TTC21B: variants seen among roughly 807,000 people sequenced by gnomAD.
TTC21B encodes the protein tetratricopeptide repeat protein 21B.
In TTC21B, 127 loss-of-function variants were observed where a neutral mutation model predicts 175.1. The observed-to-expected ratio is 0.73, with a 90% CI of 0.63 to 0.84. The LOEUF is 0.84. Among genes scored for constraint, TTC21B ranks in the 40% least tolerant of loss-of-function variants. TTC21B has a pLI of 0.00. For missense variants in TTC21B, 1,561 were observed against 1,558.3 expected (o/e 1.00, Z -0.03); for synonymous variants, 524 against 524.5 (o/e 1.00, Z 0.01).
At chr2:165,905,137 A>G (rs977573597) in intron 19 of TTC21B, among the ~76,000 whole-genome samples, 1 of 152,116 alleles carries the variant, frequency 6.6e-6, no homozygotes, top group East Asian at 1.9e-4. Flanking sequence ...CATGACAACA[A>G]TAATAGAAAA....
At chr2:165,916,837 T>C (rs551155803) in intron 14 of TTC21B, among the ~76,000 whole-genome samples, 28 of 152,268 alleles carry the variant, frequency 1.8e-4, no homozygotes, top group Non-Finnish European at 3.8e-4. Context: ...AAATTAAATT[T>C]TTCTAAAGTT....
chr2:165,941,042 A>G lies in TTC21B; in HGVS notation c.695T>C (p.Val232Ala), dbSNP rs1687347580. Residue 232 changes from valine to alanine, a missense_variant, in exon 6 of 29, where the codon GTT (valine) becomes GCT (alanine). Coordinates refer to ENST00000243344, the MANE Select transcript of TTC21B (RefSeq NM_024753.5). ...QLALQDWDQT[V>A]ETAQRLLLQD... is the part of the protein sequence containing the mutation. ...ATTACTTAACCTTTGTGCTGTCTCA[A>G]CTGTCTGGTCCCAATCCTGCAAGGC... 1 of 1,613,816 alleles carries G rather than the reference A, an allele frequency of 6.2e-7. No homozygotes were observed. The highest frequency in any genetic ancestry group is 1.7e-5 in the Admixed American group (1 of 59,968).
At chr2:165,939,392 C>T (rs1275214687) in intron 6 of TTC21B, among the ~76,000 whole-genome samples, 1 of 152,148 alleles carries the variant, frequency 6.6e-6, no homozygotes, top group Non-Finnish European at 1.5e-5. Context: ...ATTTATACTT[C>T]ATTTGTATCT....
intron 24 of TTC21B, 46 bp downstream of exon 24, chr2:165,890,433 T>G: frequency 1.9e-6 from 3 of 1,586,840 alleles, no homozygotes; most frequent in Non-Finnish European, 1.7e-6. Flanking sequence ...GTTTATTATC[T>G]CCAACAAGTG....
At chr2:165,923,006 T>C (rs910296780) in intron 12 of TTC21B, among the ~76,000 whole-genome samples, 2 of 152,188 alleles carry the variant, frequency 1.3e-5, no homozygotes, top group Admixed American at 6.5e-5. Context: ...AAATACTGTA[T>C]GTTCTCACTT....
chr2:165,878,934 G>A (rs1052134936), intron 27 of TTC21B, among the ~76,000 whole-genome samples: 15 of 151,972 alleles, frequency 9.9e-5, no homozygotes, highest in Admixed American at 5.2e-4. Flanking sequence ...TGCCCACCTC[G>A]GCCTCCCAAA....
chr2:165,924,455 C>G, intron 12 of TTC21B, 94 bp downstream of exon 12: 1 of 1,207,362 alleles, frequency 8.3e-7, no homozygotes, highest in Non-Finnish European at 1.2e-6. Context: ...TTTTATGTGA[C>G]TATTCTCTAT....
chr2:165,883,764 A>T (rs1218039324), intron 26 of TTC21B, 30 bp downstream of exon 26: 4 of 1,541,132 alleles, frequency 2.6e-6, no homozygotes, highest in Non-Finnish European at 3.6e-6. Flanking sequence ...ACAAAGGTCA[A>T]TAATTATTTT....
chr2:165,930,229 G>A lies in TTC21B; in HGVS notation c.1030C>T (p.Leu344=), dbSNP rs1177488060. 2 of 1,613,354 alleles carry A rather than the reference G, an allele frequency of 1.2e-6. No individual in the cohort carries two copies. Among genetic ancestry groups the A allele is most frequent in the Non-Finnish European group, 8.5e-7 (1 of 1,179,504 alleles). The change falls in exon 9 of 29, where the codon CTG becomes TTG. Residue 344 remains leucine (L), a synonymous_variant. Transcript: ENST00000243344. ...GTCATGGCGGTCTTATACCACTTCA[G>A]TGCCTCTTTAACTCTTCCTTGTAAA... ...MILQGRVKEA[L]KWYKTAMTLD...
intron 22 of TTC21B, among the ~76,000 whole-genome samples, chr2:165,896,938 G>A (rs184692863): frequency 6.6e-6 from 1 of 152,248 alleles, no homozygotes; most frequent in East Asian, 1.9e-4. Context: ...TGGTTGGGAA[G>A]CCCTTTTGCC....
intron 11 of TTC21B, among the ~76,000 whole-genome samples, chr2:165,928,160 A>C (rs748351993): frequency 3.9e-5 from 6 of 152,182 alleles, no homozygotes; most frequent in Non-Finnish European, 8.8e-5. Flanking sequence ...AGCTAGATAA[A>C]GCAGATGACA....
intron 1 of TTC21B, among the ~76,000 whole-genome samples, chr2:165,950,952 T>C (rs908637777): frequency 6.6e-6 from 1 of 152,164 alleles, no homozygotes; most frequent in African/African-American, 2.4e-5. Context: ...AGGGCTATAG[T>C]CCATGTACTT....
chr2:165,926,692 A>G, intron 11 of TTC21B, among the ~76,000 whole-genome samples: 1 of 152,078 alleles, frequency 6.6e-6, no homozygotes, highest in Non-Finnish European at 1.5e-5. Context: ...TGAGAAAGGC[A>G]GACCCACCCT....
At chr2:165,912,457 G>T in intron 17 of TTC21B, 57 bp downstream of exon 17, 1 of 1,346,704 alleles carries the variant, frequency 7.4e-7, no homozygotes, top group South Asian at 1.2e-5. Context: ...AGCTTCTCGA[G>T]GACAGGGTAT....
At chr2:165,875,301 T>C (rs76819848) in intron 28 of TTC21B, among the ~76,000 whole-genome samples, 3,943 of 151,976 alleles carry the variant, frequency 0.026, 176 homozygotes, top group African/African-American at 0.09. Context: ...AAAATGATCC[T>C]AATATATAGC....
At chr2:165,901,153 T>C (rs534505697) in intron 20 of TTC21B, among the ~76,000 whole-genome samples, 28 of 152,198 alleles carry the variant, frequency 1.8e-4, no homozygotes, top group African/African-American at 6.3e-4. Context: ...CTGCCTGCCT[T>C]GGCCTCTCAA....
Position 165,941,259 on chromosome 2 carries a change from G to C in TTC21B, c.553-75C>G. ...AAGTTCTCATAACGCAGAGCAGGCA[G>C]AGTATGAGCGTTTAATACTTACTTT... On this transcript the variant is annotated intron_variant, in intron 5 of 28. Coordinates refer to ENST00000243344, the MANE Select transcript of TTC21B (RefSeq NM_024753.5). The C allele has an allele frequency of 2.0e-6, 3 of 1,518,780 alleles. No homozygotes were observed. In the South Asian group the frequency reaches 3.4e-5, roughly 17 times the overall value. The allele number at this position is 1,518,780 out of a possible 1,614,324, so 94.1% of individuals were successfully genotyped here. A position where few individuals can be genotyped will look rare whatever the true frequency, so the allele number is the denominator to read the frequency against.
At chr2:165,905,790 T>C (rs1685706345) in intron 19 of TTC21B, among the ~76,000 whole-genome samples, 1 of 152,088 alleles carries the variant, frequency 6.6e-6, no homozygotes, top group Non-Finnish European at 1.5e-5. Flanking sequence ...TGTACAGAAA[T>C]CAGTCAACAA....
intron 17 of TTC21B, among the ~76,000 whole-genome samples, 199 bp from the exon 18 acceptor site, chr2:165,911,664 A>AT (rs201566484): frequency 4.9e-4 from 68 of 139,078 alleles, no homozygotes; most frequent in Non-Finnish European, 6.2e-4. Context: ...TAATATATAT[A>AT]TATATTTTTT....
Sources: gnomAD v4.1 joint callset for allele counts (sites outside exome capture counted in the v4.1 genomes callset) on GRCh38, gnomAD v4.1.1 for gene constraint, MANE v1.5 for transcripts, NCBI Gene and HGNC (gene_info 2026-07-23, HGNC 2026-07-21) for gene names.